GPC6: variants seen among roughly 807,000 people sequenced by gnomAD.
GPC6 encodes glypican 6, also known as glypican-6.
In GPC6, 14 loss-of-function variants were observed where a neutral mutation model predicts 55.2. The ratio of observed to expected loss-of-function variants is 0.25; its 90% CI spans 0.17 to 0.40. The LOEUF is 0.40. Among genes scored for constraint, GPC6 ranks in the 10% least tolerant of loss-of-function variants. GPC6 has a pLI of 1.00. For missense variants in GPC6, 641 were observed against 708.5 expected, an observed-to-expected ratio of 0.90 and a Z score of 1.08; for synonymous variants, 278 against 259.6, an observed-to-expected ratio of 1.07 and a Z score of -0.68.
At chr13:93,964,832 C>A (rs1879949776) in intron 3 of GPC6, among the ~76,000 whole-genome samples, 1 of 152,116 alleles carries the variant, frequency 6.6e-6, no homozygotes, top group Non-Finnish European at 1.5e-5. Flanking sequence ...CAAAGTTTTC[C>A]ATTTCCATTA....
chr13:93,527,939 T>C (rs934700894), intron 1 of GPC6, among the ~76,000 whole-genome samples: 2 of 152,172 alleles, frequency 1.3e-5, no homozygotes, highest in African/African-American at 4.8e-5. Flanking sequence ...CCACTTTGCC[T>C]TTCATCGTTT....
intron 2 of GPC6, among the ~76,000 whole-genome samples, chr13:93,628,513 A>G (rs1390483215): frequency 7.2e-5 from 11 of 152,160 alleles, no homozygotes; most frequent in Admixed American, 7.2e-4. Flanking sequence ...ACAGTGATGG[A>G]GGGTCTGGGG....
At chr13:94,102,762 A>C (rs1457582687) in intron 4 of GPC6, among the ~76,000 whole-genome samples, 1 of 152,182 alleles carries the variant, frequency 6.6e-6, no homozygotes, top group Non-Finnish European at 1.5e-5. Context: ...TCCTTTTTAA[A>C]TGAAAATAGA....
intron 3 of GPC6, among the ~76,000 whole-genome samples, chr13:93,876,323 A>C (rs1889295588): frequency 6.6e-6 from 1 of 151,952 alleles, no homozygotes; most frequent in Non-Finnish European, 1.5e-5. Flanking sequence ...GGAAAAAAAA[A>C]CCTAACTTTT....
intron 3 of GPC6, among the ~76,000 whole-genome samples, chr13:93,911,651 C>A (rs572564868): frequency 6.6e-6 from 1 of 152,274 alleles, no homozygotes; most frequent in East Asian, 1.9e-4. Flanking sequence ...TCACAAAGTT[C>A]TAGATTCGGA....
At chr13:93,496,384 G>A (rs1054833966) in intron 1 of GPC6, among the ~76,000 whole-genome samples, 13 of 152,064 alleles carry the variant, frequency 8.5e-5, no homozygotes, top group Admixed American at 3.3e-4. Context: ...GCTTCGGCTC[G>A]CGCACCCACT....
Position 93,227,724 on chromosome 13 carries a change from T to G in GPC6, c.160+108T>G. On this transcript the variant is annotated intron_variant, in intron 1 of 8. Transcript: ENST00000377047. The surrounding 1 kb of genome is among the most constrained non-coding windows in gnomAD (Gnocchi z 4.3). ...CCCCTGTTGCTGAGTTGGTGCTCAC[T>G]TTCTGCCACCGCTATGGGACTCCGC... The G allele has an allele frequency of 2.4e-6, 2 of 845,376 alleles. No individual in the cohort carries two copies. The highest frequency in any genetic ancestry group is 1.8e-6 in the Non-Finnish European group (1 of 546,176). 52.4% of individuals were successfully genotyped at this position (845,376 alleles called of 1,614,324 possible).
intron 4 of GPC6, among the ~76,000 whole-genome samples, chr13:94,082,533 C>T (rs548136174): frequency 6.6e-5 from 10 of 152,268 alleles, no homozygotes; most frequent in South Asian, 6.2e-4. Flanking sequence ...ACTTAACCAA[C>T]GCTTCAGATA....
chr13:94,105,153 A>T (rs7324764), intron 4 of GPC6, among the ~76,000 whole-genome samples: 1 of 151,844 alleles, frequency 6.6e-6, no homozygotes, highest in Non-Finnish European at 1.5e-5. Context: ...CCTGGAGTTC[A>T]AGACCAGCCT....
chr13:93,472,157 C>T (rs1211597298), intron 1 of GPC6, among the ~76,000 whole-genome samples: 2 of 152,130 alleles, frequency 1.3e-5, no homozygotes, highest in African/African-American at 4.8e-5. Context: ...CGAGATTTTT[C>T]CTGTTCTTTA....
chr13:93,995,950 T>C (rs930317680), intron 3 of GPC6, among the ~76,000 whole-genome samples: 2 of 152,196 alleles, frequency 1.3e-5, no homozygotes, highest in African/African-American at 4.8e-5. Flanking sequence ...ATGAATGTGT[T>C]CCATTATGTC....
At chr13:94,142,262 A>G (rs1422742638) in intron 4 of GPC6, among the ~76,000 whole-genome samples, 2 of 152,218 alleles carry the variant, frequency 1.3e-5, no homozygotes, top group Non-Finnish European at 2.9e-5. Context: ...GTTTAGTGAT[A>G]AGAGAGAAAA....
Position 94,244,461 on chromosome 13 carries a change from A to G in GPC6, c.878-41888A>G, listed in dbSNP as rs577713350. Among the ~76,000 whole-genome samples the G allele has an allele frequency of 2.6e-5, 4 of 152,240 alleles. No individual in the cohort carries two copies. The South Asian group carries it at 8.3e-4, about 32-fold the overall frequency. Reference sequence around the variant, plus strand: ...TCTCGAACTAAATGTCTATTACACAATAGATCTATAACTTGACCAAATATG... The same window carrying G: ...TCTCGAACTAAATGTCTATTACACAGTAGATCTATAACTTGACCAAATATG... On this transcript the variant is annotated intron_variant, in intron 4 of 8. Transcript: ENST00000377047.
At chr13:94,250,581 T>C (rs931749530) in intron 4 of GPC6, among the ~76,000 whole-genome samples, 9 of 152,146 alleles carry the variant, frequency 5.9e-5, no homozygotes, top group Non-Finnish European at 8.8e-5. Flanking sequence ...TCCCCAAATA[T>C]CCTTTTCTCC....
rs565184103 is a variant in GPC6 at position 94,386,130 on chromosome 13, C to T, written c.1289+3580C>T. On this transcript the variant is annotated intron_variant, in intron 7 of 8. Coordinates refer to ENST00000377047, the MANE Select transcript of GPC6 (RefSeq NM_005708.5). ...ATCCCAGCACTTTGGGAGGCCAAGG[C>T]GGGCGGATGATGAGGTCAGCAGATC... Among the ~76,000 whole-genome samples the T allele has an allele frequency of 5.7e-4, 87 of 151,344 alleles. No individual in the cohort carries two copies. In the Middle Eastern group the frequency reaches 0.01, roughly 18 times the overall value.
intron 6 of GPC6, among the ~76,000 whole-genome samples, chr13:94,318,134 GGAA>G (rs1435372122): frequency 6.6e-6 from 1 of 152,094 alleles, no homozygotes; most frequent in African/African-American, 2.4e-5. Flanking sequence ...AAGAGTAGAG[GGAA>G]GAAGATAAGA....
At chr13:93,822,850 A>ATTT (rs200990036) in intron 2 of GPC6, among the ~76,000 whole-genome samples, 4 of 147,590 alleles carry the variant, frequency 2.7e-5, no homozygotes, top group African/African-American at 1.0e-4. Context: ...TATTATTATT[A>ATTT]TTATTTTATT....
intron 4 of GPC6, among the ~76,000 whole-genome samples, chr13:94,224,934 C>T (rs1890501021): frequency 6.6e-6 from 1 of 152,152 alleles, no homozygotes; most frequent in Admixed American, 6.6e-5. Context: ...CATGCTTCAT[C>T]TCCTGTTACA....
At chr13:93,267,294 G>A (rs1019251501) in intron 1 of GPC6, among the ~76,000 whole-genome samples, 1 of 151,962 alleles carries the variant, frequency 6.6e-6, no homozygotes, top group African/African-American at 2.4e-5. Flanking sequence ...TTGGACTAAT[G>A]TAGATCTTCC....
Sources: gnomAD v4.1 joint callset for allele counts (sites outside exome capture counted in the v4.1 genomes callset) on GRCh38, gnomAD v4.1.1 for gene constraint, Gnocchi (gnomAD v3.1) non-coding constraint, MANE v1.5 for transcripts, NCBI Gene and HGNC (gene_info 2026-07-23, HGNC 2026-07-21) for gene names.